The following VAV1 variants were observed in gnomAD, a reference collection of about 807,000 sequenced individuals.
VAV1 encodes vav guanine nucleotide exchange factor 1.
In VAV1, 33 loss-of-function variants were observed where a neutral mutation model predicts 128.1. The ratio of observed to expected loss-of-function variants is 0.26; its 90% CI spans 0.20 to 0.34. VAV1 has a LOEUF of 0.34. Ranked by LOEUF, VAV1 falls within the 10% of genes least tolerant of loss-of-function variation. The pLI, the probability that VAV1 is intolerant of heterozygous loss-of-function variation, is 1.00. For missense variants in VAV1, 715 were observed against 1,093.7 expected (o/e 0.65, Z 4.88); for synonymous variants, 394 against 409.8 (o/e 0.96, Z 0.47).
intron 1 of VAV1, among the ~76,000 whole-genome samples, chr19:6,812,866 G>A (rs550376004): frequency 1.3e-5 from 2 of 152,056 alleles, no homozygotes; most frequent in Non-Finnish European, 2.9e-5. Context: ...GAATGGTGAT[G>A]AGGAGAATGG....
chr19:6,787,836 GGAGGCC>G (rs1308274402), intron 1 of VAV1, among the ~76,000 whole-genome samples: 3 of 151,990 alleles, frequency 2.0e-5, no homozygotes, highest in Non-Finnish European at 4.4e-5. Flanking sequence ...CAGCACTTTG[GGAGGCC>G]GAGGCAGGTG....
rs780084625 is a variant in VAV1 at position 6,820,168 on chromosome 19, A to G, written c.205-534A>G. 2.2e-4 allele frequency among the ~76,000 whole-genome samples: 33 copies of G among 152,074 alleles called. No individual in the cohort carries two copies. Among genetic ancestry groups the G allele is most frequent in the South Asian group, 4.1e-4 (2 of 4,824 alleles). ...ACCTCGTCTCTACAAAAAATACAGA[A>G]ATTAGCTGGGTGTTGCGACACATGA... is the stretch of plus-strand genomic sequence containing the variant. On this transcript the variant is annotated intron_variant, in intron 1 of 26. Coordinates refer to ENST00000602142, the MANE Select transcript of VAV1 (RefSeq NM_005428.4). The surrounding 1 kb of genome is among the most constrained non-coding windows in gnomAD (Gnocchi z 4.4).
chr19:6,836,611 G>T (rs938424603), intron 20 of VAV1, 43 bp downstream of exon 20: 3 of 1,609,094 alleles, frequency 1.9e-6, no homozygotes, highest in Non-Finnish European at 2.5e-6. Flanking sequence ...GGACCCAAGT[G>T]TAGGGTTATG....
chr19:6,835,675 G>A (rs545105105), intron 19 of VAV1: 5 of 152,064 alleles, frequency 3.3e-5, no homozygotes, highest in Admixed American at 6.6e-5. Flanking sequence ...ACGTAATGAC[G>A]GTGAGATGCA....
rs1001881597 is a variant in VAV1, at chr19:6,839,919, TG to T, written c.1980+2872del. 5.5e-4 allele frequency among the ~76,000 whole-genome samples: 83 copies of T among 152,252 alleles called. 1 individual carries two copies. The highest frequency in any genetic ancestry group is 1.9e-3 in the African/African-American group (81 of 41,548). ...GTTGCCCAGGCTGGTTTCGAACTTC[TG>T]GGCCCAAGTGATTCCCCTGCCTCAG... On this transcript the variant is annotated intron_variant, in intron 21 of 26. Coordinates refer to ENST00000602142, the MANE Select transcript of VAV1 (RefSeq NM_005428.4).
At chr19:6,784,955 T>C (rs762626009) in intron 1 of VAV1, among the ~76,000 whole-genome samples, 14 of 152,214 alleles carry the variant, frequency 9.2e-5, no homozygotes, top group Non-Finnish European at 1.9e-4. Context: ...ATCCTCACTG[T>C]AGCCCACAAG....
rs192897218 is a variant in VAV1, at chr19:6,794,399, G to T, written c.204+21388G>T. Among the ~76,000 whole-genome samples, 83 of 152,260 alleles carry T rather than the reference G, an allele frequency of 5.5e-4. 1 individual carries two copies. In the Middle Eastern group the frequency reaches 0.014, roughly 25 times the overall value. On this transcript the variant is annotated intron_variant, in intron 1 of 26. Transcript: ENST00000602142. ...CCATGCCTGTAATTTCAGCATTCTG[G>T]GAGGCTGAGGCAGGAGGATTGCTTG...
chr19:6,810,883 C>T (rs570028456), intron 1 of VAV1, among the ~76,000 whole-genome samples: 1 of 152,102 alleles, frequency 6.6e-6, no homozygotes. Context: ...GTTTGAGGTG[C>T]CCATTGTTGA....
intron 1 of VAV1, among the ~76,000 whole-genome samples, chr19:6,782,917 C>T (rs2144697607): frequency 6.6e-6 from 1 of 151,202 alleles, no homozygotes. Context: ...TGCAGTGGCT[C>T]ACGCCTGTAA....
chr19:6,778,954 G>A (rs1173966677), intron 1 of VAV1, among the ~76,000 whole-genome samples: 1 of 147,076 alleles, frequency 6.8e-6, no homozygotes, highest in Non-Finnish European at 1.5e-5. Flanking sequence ...ACAGCTCACT[G>A]CAGCCTCGAA....
At chr19:6,817,964 G>T (rs1182850013) in intron 1 of VAV1, among the ~76,000 whole-genome samples, 1 of 152,176 alleles carries the variant, frequency 6.6e-6, no homozygotes, top group Non-Finnish European at 1.5e-5. Flanking sequence ...GGGATTACAG[G>T]CATGAGCCAC....
chr19:6,828,717 G>A lies in VAV1; in HGVS notation c.1179+9G>A. On this transcript the variant is annotated intron_variant, in intron 12 of 26. Coordinates refer to ENST00000602142, the MANE Select transcript of VAV1 (RefSeq NM_005428.4). The surrounding 1 kb of genome is among the most constrained non-coding windows in gnomAD (Gnocchi z 4.5). ...TGTCCATTGAGAACCTGGTGAGGCG[G>A]TGGAGCCGGGTGGGCCAGGGGTGTG... is the stretch of plus-strand genomic sequence containing the variant. 6.2e-7 allele frequency: 1 copy of A among 1,614,208 alleles called. No individual in the cohort carries two copies. The highest frequency in any genetic ancestry group is 8.5e-7 in the Non-Finnish European group (1 of 1,180,028).
chr19:6,835,454 A>G (rs1022345646), intron 19 of VAV1, among the ~76,000 whole-genome samples: 1 of 152,172 alleles, frequency 6.6e-6, no homozygotes, highest in Non-Finnish European at 1.5e-5. Flanking sequence ...TTAGCCTTGA[A>G]GTTCTCAATA....
intron 21 of VAV1, among the ~76,000 whole-genome samples, chr19:6,837,615 A>G (rs1211362217): frequency 6.6e-6 from 1 of 152,136 alleles, no homozygotes; most frequent in Non-Finnish European, 1.5e-5. Context: ...TGCTGGTTTT[A>G]ACTTTATATT....
intron 1 of VAV1, among the ~76,000 whole-genome samples, chr19:6,788,298 C>G (rs1970939715): frequency 6.6e-6 from 1 of 151,872 alleles, no homozygotes; most frequent in South Asian, 2.1e-4. Flanking sequence ...GCTTTCTGGT[C>G]ACTGAAGCCA....
Position 6,814,669 on chromosome 19 carries a change from TTC to T in VAV1, c.205-6032_205-6031del, listed in dbSNP as rs1158472234. On this transcript the variant is annotated intron_variant, in intron 1 of 26. Transcript: ENST00000602142. ...CTTCCTTCCTTCCTTCCTTCCTTCCTTCCTTTCTTTCTTTCTTTCTTTCTTTC... is the reference window on the plus strand; with the variant it reads ...CTTCCTTCCTTCCTTCCTTCCTTCCTCTTTCTTTCTTTCTTTCTTTCTTTC... Among the ~76,000 whole-genome samples, 441 of 99,440 alleles carry T rather than the reference TTC, an allele frequency of 4.4e-3. 2 individuals carry two copies. Among genetic ancestry groups the T allele is most frequent in the Middle Eastern group, 8.5e-3 (2 of 234 alleles). The allele number at this position is 99,440 out of a possible 152,430, so 65.2% of individuals were successfully genotyped here. A position where few individuals can be genotyped will look rare whatever the true frequency, so the allele number is the denominator to read the frequency against.
chr19:6,773,132 A>G, intron 1 of VAV1, 121 bp downstream of exon 1: 2 of 1,342,168 alleles, frequency 1.5e-6, no homozygotes, highest in Non-Finnish European at 2.1e-6. Flanking sequence ...GAATATGCTT[A>G]CAGGTCCAGG....
At chr19:6,792,260 G>A (rs1363713582) in intron 1 of VAV1, among the ~76,000 whole-genome samples, 1 of 152,076 alleles carries the variant, frequency 6.6e-6, no homozygotes, top group Non-Finnish European at 1.5e-5. Context: ...AGTGATGGTG[G>A]CCTCGACTGG....
At position 6,828,328 on chromosome 19, in the gene VAV1, A is replaced by G. The variant is rs1489132622; in HGVS notation, c.1024-91A>G. The G allele has an allele frequency of 1.1e-5, 17 of 1,562,820 alleles. No homozygotes were observed. The highest frequency in any genetic ancestry group is 1.4e-5 in the Non-Finnish European group (16 of 1,138,244). On this transcript the variant is annotated intron_variant, in intron 10 of 26. Transcript: ENST00000602142. This position sits in a 1 kb window ranked among gnomAD's most constrained non-coding sequence, Gnocchi z 4.5. Reference sequence around the variant, plus strand: ...GCCTCCAGGGTCAGCAGTACGATGGAGGAGCTGGTGAGCTAGCATTGTTTG... The same window carrying G: ...GCCTCCAGGGTCAGCAGTACGATGGGGGAGCTGGTGAGCTAGCATTGTTTG...
Sources: gnomAD v4.1 joint callset for allele counts (sites outside exome capture counted in the v4.1 genomes callset) on GRCh38, gnomAD v4.1.1 for gene constraint, Gnocchi (gnomAD v3.1) non-coding constraint, MANE v1.5 for transcripts, NCBI Gene and HGNC (gene_info 2026-07-23, HGNC 2026-07-21) for gene names.